DLC1: variants seen among roughly 807,000 people sequenced by gnomAD.
DLC1 encodes the protein rho GTPase-activating protein 7.
DLC1 carries 54 observed loss-of-function variants against 140.3 expected under a neutral mutation model. The ratio of observed to expected loss-of-function variants is 0.38; its 90% confidence interval spans 0.31 to 0.48. The LOEUF is 0.48. Ranked by LOEUF, DLC1 falls within the 20% of genes least tolerant of loss-of-function variation. The probability of loss-of-function intolerance (pLI) is 0.96; values close to 1 mark genes in which losing one functional copy is unlikely to be tolerated. For missense variants in DLC1, 2,536 were observed against 1,907.0 expected (o/e 1.33, Z -6.14); for synonymous variants, 986 against 728.1 (o/e 1.35, Z -5.70).
chr8:13,092,108 G>A (rs1818127657), intron 13 of DLC1, among the ~76,000 whole-genome samples: 1 of 152,138 alleles, frequency 6.6e-6, no homozygotes, highest in South Asian at 2.1e-4. Context: ...AGCTGGGCGT[G>A]GTGGCAGGCA....
chr8:13,557,111 T>C (rs201804274), intron 1 of DLC1, among the ~76,000 whole-genome samples: 2 of 152,224 alleles, frequency 1.3e-5, no homozygotes, highest in East Asian at 1.9e-4. Flanking sequence ...CTGAATGTTA[T>C]TCTATTTCTA....
At chr8:13,134,880 C>A (rs771910225) in intron 5 of DLC1, among the ~76,000 whole-genome samples, 105 of 152,216 alleles carry the variant, frequency 6.9e-4, no homozygotes, top group Non-Finnish European at 1.3e-3. Context: ...GGGTATGGGA[C>A]TCCTCCGTTC....
intron 4 of DLC1, among the ~76,000 whole-genome samples, chr8:13,372,991 G>A (rs541801901): frequency 8.5e-5 from 13 of 152,290 alleles, no homozygotes; most frequent in Admixed American, 5.2e-4. Context: ...AGACATGGCT[G>A]AGCCTAAACC....
At chr8:13,164,733 T>C (rs1056650153) in intron 5 of DLC1, among the ~76,000 whole-genome samples, 2 of 152,206 alleles carry the variant, frequency 1.3e-5, no homozygotes, top group African/African-American at 4.8e-5. Context: ...ATATTTTACT[T>C]CTGAGACTTC....
intron 2 of DLC1, among the ~76,000 whole-genome samples, chr8:13,419,388 C>G (rs1563331395): frequency 6.6e-6 from 1 of 152,104 alleles, no homozygotes; most frequent in Non-Finnish European, 1.5e-5. Context: ...AGATACGTCC[C>G]ATCAGTACCT....
At chr8:13,517,234 A>T (rs1007395175), upstream of DLC1, among the ~76,000 whole-genome samples, 2 of 152,298 alleles carry the variant, frequency 1.3e-5, no homozygotes, top group South Asian at 2.1e-4. Context: ...ACTCAATATT[A>T]TATCAGCATC....
chr8:13,178,482 G>C (rs1487938474), intron 5 of DLC1, among the ~76,000 whole-genome samples: 1 of 150,982 alleles, frequency 6.6e-6, no homozygotes, highest in African/African-American at 2.4e-5. Context: ...TGAGGCAGGA[G>C]AATGGCGTGA....
intron 1 of DLC1, among the ~76,000 whole-genome samples, chr8:13,581,479 T>C (rs1317415645): frequency 6.6e-6 from 1 of 152,218 alleles, no homozygotes; most frequent in Non-Finnish European, 1.5e-5. Flanking sequence ...ATTTCACTGC[T>C]TTTCTTTCTC....
At chr8:13,533,215 C>A (rs1485560620) in intron 1 of DLC1, among the ~76,000 whole-genome samples, 2 of 150,006 alleles carry the variant, frequency 1.3e-5, no homozygotes, top group Admixed American at 6.7e-5. Context: ...TAACCACGAA[C>A]AATGTTATAT....
chr8:13,291,623 A>G (rs928724590), intron 5 of DLC1, among the ~76,000 whole-genome samples: 3 of 152,242 alleles, frequency 2.0e-5, no homozygotes, highest in African/African-American at 7.2e-5. Context: ...TACATACTAT[A>G]GTGACATGGA....
At chr8:13,360,253 C>G (rs1021666245) in intron 4 of DLC1, among the ~76,000 whole-genome samples, 4 of 152,204 alleles carry the variant, frequency 2.6e-5, no homozygotes, top group Admixed American at 2.6e-4. Context: ...GAGCTCTACA[C>G]AGAACGAACA....
chr8:13,345,267 C>A (rs754962470), intron 4 of DLC1, among the ~76,000 whole-genome samples: 2 of 152,018 alleles, frequency 1.3e-5, no homozygotes, highest in Admixed American at 6.6e-5. Context: ...ATGTATTCCA[C>A]CTAAAATGTC....
At chr8:13,207,532 A>T (rs1002854028) in intron 5 of DLC1, among the ~76,000 whole-genome samples, 1 of 152,212 alleles carries the variant, frequency 6.6e-6, no homozygotes. Flanking sequence ...GTTATTCATT[A>T]TAACATTTAT....
At chr8:13,192,166 G>C (rs1826794573) in intron 5 of DLC1, among the ~76,000 whole-genome samples, 1 of 151,920 alleles carries the variant, frequency 6.6e-6, no homozygotes, top group Non-Finnish European at 1.5e-5. Context: ...GGCCAGGCTG[G>C]TCTCGAACTC....
chr8:13,372,317 A>T (rs1436274578), intron 4 of DLC1, among the ~76,000 whole-genome samples: 1 of 152,206 alleles, frequency 6.6e-6, no homozygotes, highest in East Asian at 1.9e-4. Context: ...GCTTATAAGG[A>T]TCAAACACTT....
At chr8:13,122,474 T>G (rs1454300981) in intron 5 of DLC1, among the ~76,000 whole-genome samples, 1 of 151,536 alleles carries the variant, frequency 6.6e-6, no homozygotes, top group African/African-American at 2.4e-5. Flanking sequence ...TACAGAGAGG[T>G]TGGTGTGAAG....
chr8:13,509,503 C>G (rs1802260764), intron 1 of DLC1, among the ~76,000 whole-genome samples: 1 of 152,054 alleles, frequency 6.6e-6, no homozygotes, highest in Non-Finnish European at 1.5e-5. Context: ...TTTTTATCAC[C>G]AAGTGTTTTT....
At chr8:13,470,737 A>G (rs1321999767) in intron 2 of DLC1, among the ~76,000 whole-genome samples, 2 of 152,198 alleles carry the variant, frequency 1.3e-5, no homozygotes, top group Non-Finnish European at 1.5e-5. Context: ...AAAAATGGAT[A>G]ATAGAACTGC....
chr8:13,434,960 G>A (rs75858973), intron 2 of DLC1, among the ~76,000 whole-genome samples: 13,639 of 150,382 alleles, frequency 0.091, 686 homozygotes, highest in Admixed American at 0.12. Context: ...GATTACAGGC[G>A]TGACCCCCCC....
Sources: gnomAD v4.1 joint callset for allele counts (sites outside exome capture counted in the v4.1 genomes callset) on GRCh38, gnomAD v4.1.1 for gene constraint, MANE v1.5 for transcripts, NCBI Gene and HGNC (gene_info 2026-07-23, HGNC 2026-07-21) for gene names.